The following ICE2 variants were observed in gnomAD, a reference collection of about 807,000 sequenced individuals.
ICE2 encodes the protein little elongation complex subunit 2.
In ICE2, 87 loss-of-function variants were observed where a neutral mutation model predicts 105.4. That is an observed-to-expected ratio of 0.83 (90% CI 0.69 to 0.99). The LOEUF (loss-of-function observed/expected upper bound fraction) is 0.99. Among genes scored for constraint, ICE2 ranks in the 50% least tolerant of loss-of-function variants. ICE2 has a pLI of 0.00. For missense variants in ICE2, 1,323 were observed against 1,146.7 expected (o/e 1.15, Z -2.22); for synonymous variants, 399 against 392.0 (o/e 1.02, Z -0.21).
Position 60,436,175 on chromosome 15 carries a change from T to C in ICE2, c.2478A>G (p.Ser826=), listed in dbSNP as rs2063581989. 5 of 1,472,348 alleles carry C rather than the reference T, an allele frequency of 3.4e-6. No individual in the cohort carries two copies. The highest frequency in any genetic ancestry group is 2.7e-5 in the South Asian group (2 of 73,832). 91.2% of individuals were successfully genotyped at this position (1,472,348 alleles called of 1,614,324 possible). Residue 826 remains serine (S), a synonymous_variant, in exon 13 of 16, where the codon TCA becomes TCG. Transcript: ENST00000261520. ...CTGAAAGCTTTTCTTTTAATTCTTC[T>C]GAGGTAATTTCTTCCAGTAGAAAAA... ...SKLFLLEEIT[S]EELKEKLSAL...
At chr15:60,434,463 A>G (rs1418512326) in intron 13 of ICE2, among the ~76,000 whole-genome samples, 1 of 152,042 alleles carries the variant, frequency 6.6e-6, no homozygotes, top group Non-Finnish European at 1.5e-5. Context: ...GAGATAATAT[A>G]AACGGATCAC....
At position 60,423,282 on chromosome 15, in the gene ICE2, T is replaced by A. The variant is rs1178204725; in HGVS notation, c.*352A>T. ...AGTCAGTCGCAACAGACTGGCAATA[T>A]AACTAACACAATACATAACGATAAG... On this transcript the variant is annotated 3_prime_UTR_variant, in exon 16 of 16. Coordinates refer to ENST00000261520, the MANE Select transcript of ICE2 (RefSeq NM_024611.6). 1 of 159,556 alleles carries A rather than the reference T, an allele frequency of 6.3e-6. No homozygotes were observed. The highest frequency in any genetic ancestry group is 1.4e-5 in the Non-Finnish European group (1 of 72,710). 9.9% of individuals were successfully genotyped at this position (159,556 alleles called of 1,614,324 possible).
chr15:60,444,335 T>C (rs950294279), intron 11 of ICE2, among the ~76,000 whole-genome samples: 1 of 152,196 alleles, frequency 6.6e-6, no homozygotes, highest in African/African-American at 2.4e-5. Flanking sequence ...AAAACCAGTT[T>C]AATTTCTGTA....
intron 12 of ICE2, chr15:60,441,090 T>C (rs1566978437): frequency 1.3e-5 from 2 of 152,214 alleles, no homozygotes; most frequent in Non-Finnish European, 2.9e-5. Flanking sequence ...CGTAAGTTTT[T>C]AACTGGGCCT....
chr15:60,435,853 G>C (rs1169202210), intron 13 of ICE2, among the ~76,000 whole-genome samples: 3 of 151,684 alleles, frequency 2.0e-5, no homozygotes, highest in Admixed American at 6.6e-5. Flanking sequence ...GTGCACACCT[G>C]TAGTCCCTAC....
At position 60,419,670 on chromosome 15, in the gene ICE2, A is replaced by G. The variant is rs934871587; in HGVS notation, c.*3964T>C. 1 of 152,240 alleles carries G rather than the reference A, an allele frequency of 6.6e-6. No individual in the cohort carries two copies. Among genetic ancestry groups the G allele is most frequent in the African/African-American group, 2.4e-5 (1 of 41,464 alleles). 9.4% of individuals were successfully genotyped at this position (152,240 alleles called of 1,614,324 possible). On this transcript the variant is annotated 3_prime_UTR_variant, in exon 16 of 16. Coordinates refer to ENST00000261520, the MANE Select transcript of ICE2 (RefSeq NM_024611.6). ...TCAACAAGAAACTCAATAAATCTTA[A>G]TATCAAATACGTTAAGGTTTGATTA...
At chr15:60,467,476 T>A (rs1024628267) in intron 4 of ICE2, among the ~76,000 whole-genome samples, 1 of 152,214 alleles carries the variant, frequency 6.6e-6, no homozygotes, top group African/African-American at 2.4e-5. Context: ...TTAGTGAAGA[T>A]AGTTTTTTCT....
Position 60,433,546 on chromosome 15 carries a change from C to T in ICE2, c.2511-1562G>A, listed in dbSNP as rs536981810. On this transcript the variant is annotated intron_variant, in intron 13 of 15. Coordinates refer to ENST00000261520, the MANE Select transcript of ICE2 (RefSeq NM_024611.6). ...TGCTCTTTTTGCCCAGGTTGAAGTGCGGTGGCACGATCTCGGCTCACTGCA... is the reference window on the plus strand; with the variant it reads ...TGCTCTTTTTGCCCAGGTTGAAGTGTGGTGGCACGATCTCGGCTCACTGCA... Among the ~76,000 whole-genome samples the T allele has an allele frequency of 9.2e-5, 14 of 151,458 alleles. No homozygotes were observed. The South Asian group carries it at 2.5e-3, about 27-fold the overall frequency.
At chr15:60,442,739 G>C in intron 11 of ICE2, 194 bp from the exon 12 acceptor site, 1 of 440,650 alleles carries the variant, frequency 2.3e-6, no homozygotes, top group Middle Eastern at 5.9e-4. Flanking sequence ...GGTGCCAAAA[G>C]GTGGATGGAT....
chr15:60,478,519 T>G (rs1250762395), intron 1 of ICE2: 2 of 191,950 alleles, frequency 1.0e-5, no homozygotes, highest in East Asian at 1.7e-4. Flanking sequence ...AACCTCACAT[T>G]TGAGAAGACT....
rs61753852 is a variant in ICE2, at chr15:60,468,248, G to C, written c.221C>G (p.Ala74Gly). 18 of 1,613,628 alleles carry C rather than the reference G, an allele frequency of 1.1e-5. 1 individual carries two copies. The South Asian group carries it at 1.8e-4, about 16-fold the overall frequency. Residue 74 changes from alanine to glycine, a missense_variant, in exon 4 of 16, where the codon GCA becomes GGA. Coordinates refer to ENST00000261520, the MANE Select transcript of ICE2 (RefSeq NM_024611.6). The stretch of plus-strand genomic sequence containing the variant: ...AATTGTGGTTTTAACTTTTTCCTTT[G>C]CTTGAGTTGCTGAACTAACTGCCGG... ...NEPAVSSATQ[A>G]KEKVKTTIGM...
chr15:60,466,514 T>C (rs1212945542), intron 5 of ICE2, 80 bp downstream of exon 5: 7 of 1,511,214 alleles, frequency 4.6e-6, no homozygotes, highest in African/African-American at 4.2e-5. Context: ...CGAATGCTTT[T>C]GGTGGAATCA....
intron 7 of ICE2, 81 bp downstream of exon 7, chr15:60,455,245 A>T: frequency 6.6e-7 from 1 of 1,515,792 alleles, no homozygotes; most frequent in Non-Finnish European, 9.0e-7. Context: ...CAGAAAGGGG[A>T]CTTTGGGACA....
At chr15:60,472,722 G>T (rs1366967063) in intron 3 of ICE2, among the ~76,000 whole-genome samples, 1 of 152,094 alleles carries the variant, frequency 6.6e-6, no homozygotes, top group Non-Finnish European at 1.5e-5. Context: ...GCACACTGGC[G>T]TGCACCTATA....
chr15:60,454,828 T>C, intron 8 of ICE2, 175 bp downstream of exon 8: 2 of 501,164 alleles, frequency 4.0e-6, no homozygotes, highest in Non-Finnish European at 6.9e-6. Context: ...ACGAATTAGG[T>C]ATTTGTCCTA....
At chr15:60,459,937 T>C (rs944752398) in intron 5 of ICE2, among the ~76,000 whole-genome samples, 2 of 152,064 alleles carry the variant, frequency 1.3e-5, no homozygotes, top group East Asian at 1.9e-4. Context: ...AATCAATATA[T>C]ACCGTCATCA....
Position 60,479,016 on chromosome 15 carries a change from G to A in ICE2, c.-106C>T. On this transcript the variant is annotated 5_prime_UTR_variant, in exon 1 of 16. Transcript: ENST00000261520. ...CTTTCCGCCCACCTCATGGTCCGCG[G>A]CGGCTCTTGCCCAGGCCGCAGCCAC... 2.2e-6 allele frequency: 1 copy of A among 455,992 alleles called. No homozygotes were observed. The highest frequency in any genetic ancestry group is 4.4e-6 in the Non-Finnish European group (1 of 226,750). 28.2% of individuals were successfully genotyped at this position (455,992 alleles called of 1,614,324 possible).
chr15:60,425,893 T>C (rs57065852), intron 15 of ICE2, among the ~76,000 whole-genome samples: 3,509 of 152,284 alleles, frequency 0.023, 151 homozygotes, highest in African/African-American at 0.081. Flanking sequence ...GGGTAATTCC[T>C]ATCAAACACA....
rs113216229 is a variant in ICE2, at chr15:60,473,969, C to T, written c.146+2094G>A. On this transcript the variant is annotated intron_variant, in intron 3 of 15. Transcript: ENST00000261520. ...TGATGCCCAGGCAGGAATACAGTGG[C>T]ACAATCACAACTCACTGCAGTCTCA... is the stretch of plus-strand genomic sequence containing the variant. 5.0e-3 allele frequency among the ~76,000 whole-genome samples: 761 copies of T among 151,922 alleles called. 6 individuals are homozygous for T. Among genetic ancestry groups the T allele is most frequent in the Middle Eastern group, 0.01 (3 of 292 alleles).
Sources: gnomAD v4.1 joint callset for allele counts (sites outside exome capture counted in the v4.1 genomes callset) on GRCh38, gnomAD v4.1.1 for gene constraint, MANE v1.5 for transcripts, NCBI Gene and HGNC (gene_info 2026-07-23, HGNC 2026-07-21) for gene names.